VPS13B: variants seen among roughly 807,000 people sequenced by gnomAD.
The protein encoded by VPS13B is vacuolar protein sorting 13 homolog B, also known as intermembrane lipid transfer protein VPS13B.
A neutral mutation model predicts 426.4 loss-of-function variants in VPS13B; 285 were observed. The observed-to-expected ratio is 0.67, with a 90% CI of 0.61 to 0.74. The LOEUF (loss-of-function observed/expected upper bound fraction) is 0.74, where lower values mean the gene tolerates loss of function less well. Ranked by LOEUF, VPS13B falls within the 30% of genes least tolerant of loss-of-function variation. VPS13B has a pLI of 0.00. For missense variants in VPS13B, 4,537 were observed against 4,782.6 expected (o/e 0.95, Z 1.51); for synonymous variants, 1,676 against 1,676.4 (o/e 1.00, Z 0.01).
chr8:99,142,850 G>T, intron 12 of VPS13B, 124 bp from the exon 13 acceptor site: 2 of 926,654 alleles, frequency 2.2e-6, no homozygotes, highest in South Asian at 1.7e-5. Flanking sequence ...TCTGTATGCA[G>T]CTGATTGGGA....
intron 17 of VPS13B, among the ~76,000 whole-genome samples, chr8:99,263,497 C>A (rs189177665): frequency 1.8e-4 from 28 of 152,248 alleles, no homozygotes; most frequent in Admixed American, 1.8e-3. Context: ...AGTTGGGCTC[C>A]TTTTTACAGG....
chr8:99,720,618 G>T (rs181405615), intron 38 of VPS13B, 66 bp downstream of exon 38: 112 of 1,524,156 alleles, frequency 7.3e-5, no homozygotes, highest in Non-Finnish European at 9.7e-5. Context: ...AATGCATGTT[G>T]ACTAAATAAA....
intron 34 of VPS13B, among the ~76,000 whole-genome samples, chr8:99,651,822 C>T (rs1829825095): frequency 6.6e-6 from 1 of 152,084 alleles, no homozygotes. Context: ...ATGGCTGTGC[C>T]ATCTGGTCAA....
chr8:99,717,261 C>T lies in VPS13B; in HGVS notation c.6545C>T (p.Pro2182Leu). ...GAAAGAAGCCGCATTCTGATAGGAC[C>T]ATGTTGTGCTACTGCCAATCTGGAA... ...LKERSRILIGPCCATANLEAK... is the reference protein window; with the variant it reads ...LKERSRILIGLCCATANLEAK... Residue 2182 changes from proline to leucine, a missense_variant, in exon 37 of 62, where the codon CCA becomes CTA. Pro to Leu is a moderately conservative substitution (Grantham distance 98, BLOSUM62 -3). Transcript: ENST00000357162. 4 of 1,613,930 alleles carry T rather than the reference C, an allele frequency of 2.5e-6. No homozygotes were observed. The highest frequency in any genetic ancestry group is 3.4e-6 in the Non-Finnish European group (4 of 1,179,960).
At chr8:99,144,385 G>A (rs893215589) in intron 13 of VPS13B, among the ~76,000 whole-genome samples, 2 of 151,240 alleles carry the variant, frequency 1.3e-5, no homozygotes, top group East Asian at 1.9e-4. Flanking sequence ...TGTGGTCTCC[G>A]GGCTGAGCAG....
chr8:99,265,000 G>C (rs1193413323), intron 17 of VPS13B, among the ~76,000 whole-genome samples: 1 of 151,908 alleles, frequency 6.6e-6, no homozygotes, highest in Non-Finnish European at 1.5e-5. Flanking sequence ...AAGAGAACTA[G>C]CATCATGTTT....
At chr8:99,131,178 G>A (rs1050632235) in intron 8 of VPS13B, among the ~76,000 whole-genome samples, 1 of 152,156 alleles carries the variant, frequency 6.6e-6, no homozygotes, top group Non-Finnish European at 1.5e-5. Flanking sequence ...AGATAGTACA[G>A]AGAGTTCCTT....
chr8:99,609,585 A>G (rs929122790), intron 33 of VPS13B, among the ~76,000 whole-genome samples: 3 of 152,194 alleles, frequency 2.0e-5, no homozygotes, highest in African/African-American at 7.2e-5. Flanking sequence ...CAGTTAGTAC[A>G]GCTTGCAGTT....
intron 21 of VPS13B, among the ~76,000 whole-genome samples, chr8:99,404,954 C>T (rs1815245096): frequency 6.6e-6 from 1 of 152,176 alleles, no homozygotes; most frequent in Admixed American, 6.5e-5. Context: ...AAAGGGAAAG[C>T]TGTAGACTTC....
At chr8:99,560,496 T>C (rs1365757861) in intron 31 of VPS13B, among the ~76,000 whole-genome samples, 1 of 152,192 alleles carries the variant, frequency 6.6e-6, no homozygotes, top group Non-Finnish European at 1.5e-5. Flanking sequence ...ATCGCCATCA[T>C]GTTCATTGAT....
In VPS13B at chr8:99,853,461, AAGATTGTTAC is replaced by A; in HGVS notation, c.10074_10083del (p.Lys3358AsnfsTer9). ...CCCTTTCTCCTCTAGAGCGCCAGAGAAGATTGTTACATTTAAAATGTTCATCACTCAGTTA... is the reference window on the plus strand; with the variant it reads ...CCCTTTCTCCTCTAGAGCGCCAGAGAATTTAAAATGTTCATCACTCAGTTA... On this transcript the variant is annotated frameshift_variant, in exon 56 of 62. Coordinates refer to ENST00000357162, the MANE Select transcript of VPS13B (RefSeq NM_152564.5). LOFTEE classifies it high-confidence loss of function. 1 of 1,614,182 alleles carries A rather than the reference AAGATTGTTAC, an allele frequency of 6.2e-7. No individual in the cohort carries two copies. Among genetic ancestry groups the A allele is most frequent in the Non-Finnish European group, 8.5e-7 (1 of 1,180,030 alleles).
chr8:99,654,957 C>T (rs1829968606), intron 34 of VPS13B, among the ~76,000 whole-genome samples: 1 of 151,968 alleles, frequency 6.6e-6, no homozygotes, highest in African/African-American at 2.4e-5. Flanking sequence ...GCTACCCTAA[C>T]TCCTCTTTAG....
chr8:99,360,208 C>CTT (rs1483027855), intron 19 of VPS13B, among the ~76,000 whole-genome samples: 13 of 20,642 alleles, frequency 6.3e-4, no homozygotes, highest in Admixed American at 1.4e-3. Flanking sequence ...CTCTCTCTCT[C>CTT]TCTTTCTTTC....
At position 99,143,035 on chromosome 8, in the gene VPS13B, G is replaced by A. The variant is rs753346782; in HGVS notation, c.1713G>A (p.Glu571=). 1 of 1,614,016 alleles carries A rather than the reference G, an allele frequency of 6.2e-7. No individual in the cohort carries two copies. Among genetic ancestry groups the A allele is most frequent in the Non-Finnish European group, 8.5e-7 (1 of 1,179,944 alleles). Residue 571 remains glutamate (E), a synonymous_variant, in exon 13 of 62, where the codon GAG becomes GAA. Transcript: ENST00000357162. ...GTGAAGATTTGGGAACAGTTCAGGA[G>A]AAGTCCACCAAAAGCCTTGTTATAG... ...GKSEDLGTVQ[E]KSTKSLVIGP...
chr8:99,435,663 G>A (rs1817331143), intron 22 of VPS13B, among the ~76,000 whole-genome samples: 2 of 152,246 alleles, frequency 1.3e-5, no homozygotes, highest in East Asian at 3.9e-4. Context: ...AATAAGCCAA[G>A]TAGACAGTGA....
rs115853067 is a variant in VPS13B, at chr8:99,257,091, T to C, written c.2516-17107T>C. The stretch of plus-strand genomic sequence containing the variant: ...GTTAGCACCACACATGAATGACCAT[T>C]AGTAAATGATCATGCTTAGGTGCAG... On this transcript the variant is annotated intron_variant, in intron 17 of 61. Coordinates refer to ENST00000357162, the MANE Select transcript of VPS13B (RefSeq NM_152564.5). Among the ~76,000 whole-genome samples the C allele has an allele frequency of 6.4e-3, 972 of 152,240 alleles. 9 individuals carry two copies. The highest frequency in any genetic ancestry group is 0.021 in the African/African-American group (889 of 41,540).
At chr8:99,118,097 C>G (rs573375598) in intron 7 of VPS13B, among the ~76,000 whole-genome samples, 1 of 152,178 alleles carries the variant, frequency 6.6e-6, no homozygotes, top group South Asian at 2.1e-4. Flanking sequence ...ATACCTGGAA[C>G]AAACATAACA....
intron 19 of VPS13B, among the ~76,000 whole-genome samples, chr8:99,276,621 A>G (rs2133003875): frequency 6.6e-6 from 1 of 152,302 alleles, no homozygotes; most frequent in African/African-American, 2.4e-5. Flanking sequence ...TTATTTATAA[A>G]AGCAGGAAGT....
chr8:99,035,418 C>T (rs563939784), intron 2 of VPS13B, among the ~76,000 whole-genome samples: 1 of 152,232 alleles, frequency 6.6e-6, no homozygotes, highest in Non-Finnish European at 1.5e-5. Flanking sequence ...TGGAATCATA[C>T]AGTATTTATC....
Sources: gnomAD v4.1 joint callset for allele counts (sites outside exome capture counted in the v4.1 genomes callset) on GRCh38, gnomAD v4.1.1 for gene constraint, MANE v1.5 for transcripts, NCBI Gene and HGNC (gene_info 2026-07-23, HGNC 2026-07-21) for gene names.